The following PTPRD variants were observed in gnomAD, a reference collection of about 807,000 sequenced individuals.
PTPRD encodes the protein protein tyrosine phosphatase receptor type D.
PTPRD carries 34 observed loss-of-function variants against 214.5 expected under a neutral mutation model. The observed-to-expected ratio is 0.16, with a 90% CI of 0.12 to 0.21. The LOEUF is 0.21. Ranked by LOEUF, PTPRD falls within the 10% of genes least tolerant of loss-of-function variation. The probability of loss-of-function intolerance (pLI) is 1.00; values close to 1 mark genes in which losing one functional copy is unlikely to be tolerated. For missense variants in PTPRD, 2,545 were observed against 2,398.7 expected (o/e 1.06, Z -1.27); for synonymous variants, 1,128 against 845.7 (o/e 1.33, Z -5.79).
chr9:8,894,388 A>ATCTCAAAAAAAAAAAAAAAAAAAATT (rs2098585287), intron 11 of PTPRD, among the ~76,000 whole-genome samples: 1 of 113,966 alleles, frequency 8.8e-6, no homozygotes, highest in Non-Finnish European at 2.2e-5. Context: ...CTGCAACTGC[A>ATCTCAAAAAAAAAAAAAAAAAAAATT]TGCGACTGTA....
intron 8 of PTPRD, among the ~76,000 whole-genome samples, chr9:9,558,128 T>C (rs2081991303): frequency 6.6e-6 from 1 of 152,142 alleles, no homozygotes; most frequent in Non-Finnish European, 1.5e-5. Context: ...TGGCTCTCTC[T>C]GTCTTTCTCT....
chr9:9,896,942 C>T (rs2075137950), intron 5 of PTPRD, among the ~76,000 whole-genome samples: 1 of 152,006 alleles, frequency 6.6e-6, no homozygotes, highest in African/African-American at 2.4e-5. Context: ...TATTTGCAAT[C>T]TCAAAGCTTT....
chr9:9,009,251 G>A (rs917746194), intron 11 of PTPRD, among the ~76,000 whole-genome samples: 5 of 151,950 alleles, frequency 3.3e-5, no homozygotes, highest in African/African-American at 9.7e-5. Context: ...AATATGATAT[G>A]CTTAAGGAGA....
At chr9:8,693,845 T>C (rs1038823251) in intron 12 of PTPRD, among the ~76,000 whole-genome samples, 3 of 152,170 alleles carry the variant, frequency 2.0e-5, no homozygotes, top group African/African-American at 7.2e-5. Context: ...ACAACTTGCG[T>C]TGCTTGAATG....
chr9:9,086,785 G>A (rs1182387099), intron 10 of PTPRD, among the ~76,000 whole-genome samples: 1 of 151,980 alleles, frequency 6.6e-6, no homozygotes, highest in African/African-American at 2.4e-5. Context: ...TTTAAAATGT[G>A]AACAAAGATG....
chr9:10,538,994 G>A (rs1258380409), intron 2 of PTPRD, among the ~76,000 whole-genome samples: 1 of 152,048 alleles, frequency 6.6e-6, no homozygotes, highest in African/African-American at 2.4e-5. Context: ...ACCTTATCCA[G>A]GGAGTAAAGT....
intron 5 of PTPRD, among the ~76,000 whole-genome samples, chr9:9,826,253 T>A (rs1334444784): frequency 6.6e-6 from 1 of 151,900 alleles, no homozygotes; most frequent in African/African-American, 2.4e-5. Flanking sequence ...TCTTATCTTC[T>A]TTCTAGTTCA....
At chr9:9,436,194 AT>A (rs1236357085) in intron 8 of PTPRD, among the ~76,000 whole-genome samples, 1 of 152,224 alleles carries the variant, frequency 6.6e-6, no homozygotes, top group East Asian at 1.9e-4. Flanking sequence ...TCTGAGGTGT[AT>A]TTCTTCTTTA....
intron 3 of PTPRD, among the ~76,000 whole-genome samples, chr9:10,187,090 A>T (rs548513786): frequency 6.6e-6 from 1 of 152,278 alleles, no homozygotes; most frequent in African/African-American, 2.4e-5. Context: ...CAATTTATAC[A>T]ACTTTCTTCT....
At chr9:8,486,596 G>A in intron 27 of PTPRD, 1 of 639,610 alleles carries the variant, frequency 1.6e-6, no homozygotes, top group Non-Finnish European at 2.9e-6. Context: ...TGAAACAACA[G>A]CTTAAGGGGA....
chr9:9,068,659 T>C (rs2099739025), intron 10 of PTPRD, among the ~76,000 whole-genome samples: 1 of 152,164 alleles, frequency 6.6e-6, no homozygotes, highest in Non-Finnish European at 1.5e-5. Context: ...GTCCCCAGGC[T>C]GGAGTGCAGT....
At chr9:8,418,545 CAT>C (rs1008429392) in intron 35 of PTPRD, among the ~76,000 whole-genome samples, 25 of 151,734 alleles carry the variant, frequency 1.6e-4, no homozygotes, top group African/African-American at 5.3e-4. Context: ...TAGCCCAGTG[CAT>C]GTAAAATGTA....
chr9:8,993,771 G>C (rs28623505), intron 11 of PTPRD, among the ~76,000 whole-genome samples: 25,680 of 152,018 alleles, frequency 0.17, 2,605 homozygotes, highest in Non-Finnish European at 0.23. Context: ...TTTCAGCAAA[G>C]AAATTTTTCT....
intron 7 of PTPRD, among the ~76,000 whole-genome samples, chr9:9,624,943 T>A (rs2154355298): frequency 6.6e-6 from 1 of 152,234 alleles, no homozygotes; most frequent in Middle Eastern, 3.4e-3. Flanking sequence ...TAACATTTGG[T>A]CAACACAATA....
chr9:9,564,883 T>TG lies in PTPRD; in HGVS notation c.-237+9848dup, dbSNP rs1255454909. 1.4e-3 allele frequency among the ~76,000 whole-genome samples: 167 copies of TG among 118,868 alleles called. 3 individuals are homozygous for TG. Among genetic ancestry groups the TG allele is most frequent in the Non-Finnish European group, 2.3e-3 (128 of 56,058 alleles). 78.0% of individuals were successfully genotyped at this position (118,868 alleles called of 152,430 possible). The stretch of plus-strand genomic sequence containing the variant: ...GAACAAAAGAGAGACTTGAATCTTC[T>TG]GTTTTTTTTTTTTTTTTTTTTTTTT... On this transcript the variant is annotated intron_variant, in intron 8 of 45. Coordinates refer to ENST00000381196, the MANE Select transcript of PTPRD (RefSeq NM_002839.4).
chr9:9,501,881 CA>C (rs993148465), intron 8 of PTPRD, among the ~76,000 whole-genome samples: 10 of 151,938 alleles, frequency 6.6e-5, no homozygotes, highest in African/African-American at 2.4e-4. Flanking sequence ...AAAAATAACA[CA>C]AAAACAACAC....
intron 14 of PTPRD, among the ~76,000 whole-genome samples, chr9:8,531,546 G>A (rs921552745): frequency 1.3e-5 from 2 of 151,988 alleles, no homozygotes; most frequent in Non-Finnish European, 2.9e-5. Flanking sequence ...TTCTGAAAAA[G>A]CTCTTAGATT....
intron 3 of PTPRD, among the ~76,000 whole-genome samples, chr9:10,226,770 G>A (rs1275484389): frequency 1.3e-5 from 2 of 151,948 alleles, no homozygotes; most frequent in Non-Finnish European, 2.9e-5. Context: ...ATGTGTTGTA[G>A]GGACTCATCA....
At chr9:8,929,755 A>ATGTGTATATATATGTGTATATATATGTG (rs1555536588) in intron 11 of PTPRD, among the ~76,000 whole-genome samples, 66 of 58,010 alleles carry the variant, frequency 1.1e-3, no homozygotes, top group Non-Finnish European at 1.8e-3. Flanking sequence ...GTATATATAT[A>ATGTGTATATATATGTGTATATATATGTG]TGTATATATA....
Sources: gnomAD v4.1 joint callset for allele counts (sites outside exome capture counted in the v4.1 genomes callset) on GRCh38, gnomAD v4.1.1 for gene constraint, MANE v1.5 for transcripts, NCBI Gene and HGNC (gene_info 2026-07-23, HGNC 2026-07-21) for gene names.